The following VPS13D variants were observed in gnomAD, a reference collection of about 807,000 sequenced individuals.
The protein encoded by VPS13D is vacuolar protein sorting 13 homolog D.
In VPS13D, 187 loss-of-function variants were observed where a neutral mutation model predicts 461.9. The ratio of observed to expected loss-of-function variants is 0.40; its 90% CI spans 0.36 to 0.46. The LOEUF (loss-of-function observed/expected upper bound fraction) is 0.46. Among genes scored for constraint, VPS13D ranks in the 20% least tolerant of loss-of-function variants. The pLI, the probability that VPS13D is intolerant of heterozygous loss-of-function variation, is 0.60. For synonymous variants in VPS13D, 1,951 were observed against 1,986.3 expected (o/e 0.98, Z 0.47); for missense variants, 4,711 against 5,364.9 (o/e 0.88, Z 3.81).
Position 12,333,313 on chromosome 1 carries a change from T to C in VPS13D, c.8375T>C (p.Leu2792Pro). ...CGTCTCCATCCTCCTCGACTGAAGC[T>C]AGAAGCCAAGGCCAAACCTCGTTTG... ...ASRLHPPRLKLEAKAKPRLDI... is the reference protein window; with the variant it reads ...ASRLHPPRLKPEAKAKPRLDI... Residue 2792 changes from leucine (L) to proline (P), a missense_variant, in exon 38 of 70, where the codon CTA (leucine) becomes CCA (proline). Around this residue, in one of 3 missense-constraint regions of VPS13D, gnomAD observed 4,411 missense variants for 4,937.8 expected, o/e 0.89. Transcript: ENST00000620676. 6.2e-7 allele frequency: 1 copy of C among 1,614,186 alleles called. No homozygotes were observed. The highest frequency in any genetic ancestry group is 8.5e-7 in the Non-Finnish European group (1 of 1,180,010).
intron 65 of VPS13D, among the ~76,000 whole-genome samples, chr1:12,450,588 G>A (rs1160184352): frequency 6.6e-6 from 1 of 152,184 alleles, no homozygotes; most frequent in East Asian, 1.9e-4. Context: ...GCAGTGCTGG[G>A]CACTAGGGCA....
intron 55 of VPS13D, among the ~76,000 whole-genome samples, chr1:12,378,066 G>A (rs1405383974): frequency 6.6e-6 from 1 of 152,144 alleles, no homozygotes; most frequent in Non-Finnish European, 1.5e-5. Flanking sequence ...GCACCGGACG[G>A]TCATCATCTG....
intron 58 of VPS13D, among the ~76,000 whole-genome samples, 171 bp downstream of exon 58, chr1:12,383,326 A>G (rs1490129259): frequency 6.6e-6 from 1 of 152,248 alleles, no homozygotes; most frequent in Non-Finnish European, 1.5e-5. Context: ...CAAGAACTAA[A>G]GTACAACAAA....
At chr1:12,330,500 A>G (rs1377151850) in intron 37 of VPS13D, among the ~76,000 whole-genome samples, 18 of 152,208 alleles carry the variant, frequency 1.2e-4, no homozygotes, top group Non-Finnish European at 2.5e-4. Flanking sequence ...CCATTGCTCA[A>G]TAGTGAAGGA....
intron 34 of VPS13D, 64 bp from the exon 35 acceptor site, chr1:12,323,642 A>T (rs1436479604): frequency 1.3e-6 from 2 of 1,491,546 alleles, no homozygotes; most frequent in Non-Finnish European, 1.8e-6. Flanking sequence ...TTTTTTCTAA[A>T]ATTAGTTTGT....
chr1:12,465,335 T>TGG (rs57157841), intron 67 of VPS13D: 1 of 152,088 alleles, frequency 6.6e-6, no homozygotes, highest in Non-Finnish European at 1.5e-5. Flanking sequence ...GACCCAAAAG[T>TGG]GGGGAGAGAA....
intron 63 of VPS13D, among the ~76,000 whole-genome samples, chr1:12,406,551 A>T (rs760007977): frequency 1.3e-5 from 2 of 152,176 alleles, no homozygotes; most frequent in African/African-American, 2.4e-5. Context: ...TTGTTGCCAG[A>T]TATAGTGTCT....
At chr1:12,315,249 C>CA (rs1323191840) in intron 30 of VPS13D, among the ~76,000 whole-genome samples, 1 of 152,010 alleles carries the variant, frequency 6.6e-6, no homozygotes. Context: ...TGTGTTTAAG[C>CA]AAAAAACAGA....
At chr1:12,444,393 C>G (rs1057042054) in intron 65 of VPS13D, among the ~76,000 whole-genome samples, 31 of 152,182 alleles carry the variant, frequency 2.0e-4, no homozygotes, top group African/African-American at 5.1e-4. Flanking sequence ...TGTAGAACTT[C>G]TTGAATTTGC....
chr1:12,250,446 C>G (rs1447403242), intron 6 of VPS13D, among the ~76,000 whole-genome samples: 1 of 152,194 alleles, frequency 6.6e-6, no homozygotes, highest in Non-Finnish European at 1.5e-5. Context: ...GTGCCAGGAA[C>G]CAGGGAAAAA....
In VPS13D at chr1:12,353,897, T is replaced by C. The variant is rs541496004; in HGVS notation, c.9432-77T>C. On this transcript the variant is annotated intron_variant, in intron 46 of 69. Transcript: ENST00000620676. ...ATTGAACCATCTTAATGTTATTCTT[T>C]CTCATACTTAGCTAAGGAGAAAAAA... 2.8e-6 allele frequency: 4 copies of C among 1,451,696 alleles called. No individual in the cohort carries two copies. In the African/African-American group the frequency reaches 5.7e-5, roughly 21 times the overall value. 89.9% of individuals were successfully genotyped at this position (1,451,696 alleles called of 1,614,324 possible). A position where few individuals can be genotyped will look rare whatever the true frequency, so the allele number is the denominator to read the frequency against.
At chr1:12,265,238 A>G (rs985757250) in intron 13 of VPS13D, among the ~76,000 whole-genome samples, 8 of 152,222 alleles carry the variant, frequency 5.3e-5, no homozygotes, top group African/African-American at 1.7e-4. Flanking sequence ...TGCTAACACA[A>G]CATCCATTCT....
intron 5 of VPS13D, among the ~76,000 whole-genome samples, chr1:12,248,778 A>G (rs1044320506): frequency 5.3e-5 from 8 of 152,240 alleles, no homozygotes; most frequent in Admixed American, 2.0e-4. Flanking sequence ...ATGTGGGGAC[A>G]TAGAGGCAAG....
At chr1:12,244,124 T>C in intron 3 of VPS13D, 122 bp from the exon 4 acceptor site, 1 of 989,324 alleles carries the variant, frequency 1.0e-6, no homozygotes, top group Non-Finnish European at 1.4e-6. Context: ...GCCTGTTGTT[T>C]TAAATAAAAA....
At position 12,504,143 on chromosome 1, in the gene VPS13D, T is replaced by TA. The variant is rs980243366; in HGVS notation, c.12795-2702dup. 3.0e-4 allele frequency among the ~76,000 whole-genome samples: 46 copies of TA among 151,640 alleles called. 3 individuals are homozygous for TA. The highest frequency in any genetic ancestry group is 1.8e-3 in the Admixed American group (28 of 15,230). On this transcript the variant is annotated intron_variant, in intron 68 of 69. Coordinates refer to ENST00000620676, the MANE Select transcript of VPS13D (RefSeq NM_015378.4). ...TCTTTGATGTGTTTGGCAGATTTTG[T>TA]AAAAAAAAGAAAAAGAAAAAATTAA...
At chr1:12,326,060 G>T in intron 35 of VPS13D, among the ~76,000 whole-genome samples, 1 of 147,604 alleles carries the variant, frequency 6.8e-6, no homozygotes. Flanking sequence ...AATTGTATCT[G>T]GGTTATTCCA....
intron 60 of VPS13D, among the ~76,000 whole-genome samples, chr1:12,399,099 A>G (rs1304103442): frequency 6.6e-6 from 1 of 152,158 alleles, no homozygotes; most frequent in Non-Finnish European, 1.5e-5. Context: ...GCTAGCATGG[A>G]GCTTCGCACA....
At chr1:12,436,252 G>A (rs1645059313) in intron 65 of VPS13D, among the ~76,000 whole-genome samples, 1 of 152,194 alleles carries the variant, frequency 6.6e-6, no homozygotes, top group African/African-American at 2.4e-5. Context: ...AGGAAGGGGT[G>A]GACTCTTCTA....
At chr1:12,494,433 C>T (rs1645928586) in intron 67 of VPS13D, among the ~76,000 whole-genome samples, 1 of 152,188 alleles carries the variant, frequency 6.6e-6, no homozygotes. Flanking sequence ...ACTGTTTACA[C>T]TAGAAAGCTG....
Sources: allele counts gnomAD v4.1 joint callset (sites outside exome capture counted in the v4.1 genomes callset), GRCh38; gene constraint gnomAD v4.1.1; regional missense constraint gnomAD v4.1.1; transcripts MANE v1.5; gene names NCBI Gene and HGNC (gene_info 2026-07-23, HGNC 2026-07-21).